The following PRDM15 variants were observed in gnomAD, a reference collection of about 807,000 sequenced individuals.
The protein encoded by PRDM15 is PR domain zinc finger protein 15.
Under a neutral mutation model 128.6 loss-of-function variants are expected in PRDM15, and 64 were observed. The ratio of observed to expected loss-of-function variants is 0.50; its 90% confidence interval spans 0.41 to 0.61. The LOEUF (loss-of-function observed/expected upper bound fraction) is 0.61. Ranked by LOEUF, PRDM15 falls within the 20% of genes least tolerant of loss-of-function variation. The probability of loss-of-function intolerance (pLI) is 0.00; values close to 1 mark genes in which losing one functional copy is unlikely to be tolerated. For missense variants in PRDM15, 1,242 were observed against 1,569.1 expected, an observed-to-expected ratio of 0.79 and a Z score of 3.52; for synonymous variants, 615 against 621.8, an observed-to-expected ratio of 0.99 and a Z score of 0.16.
chr21:41,815,241 T>C (rs994057229), intron 19 of PRDM15, among the ~76,000 whole-genome samples: 2 of 152,210 alleles, frequency 1.3e-5, no homozygotes, highest in African/African-American at 2.4e-5. Flanking sequence ...ATCAGCGTAG[T>C]ACACACATCA....
chr21:41,801,851 A>C, intron 23 of PRDM15, 129 bp from the exon 24 acceptor site: 1 of 1,098,102 alleles, frequency 9.1e-7, no homozygotes, highest in East Asian at 2.5e-5. Context: ...GAGGAAACCG[A>C]GTTAATTTTG....
intron 1 of PRDM15, chr21:41,870,880 C>G (rs1272123857): frequency 4.6e-5 from 7 of 152,208 alleles, no homozygotes; most frequent in Non-Finnish European, 1.0e-4. Context: ...CTGCTGTTTA[C>G]CAGATGAGAG....
chr21:41,849,039 T>A (rs2146732725), intron 5 of PRDM15, among the ~76,000 whole-genome samples: 1 of 152,310 alleles, frequency 6.6e-6, no homozygotes, highest in African/African-American at 2.4e-5. Flanking sequence ...AGCCAGACTG[T>A]GCACACAAAG....
At chr21:41,863,990 CGTGCCACCACACCCAGCTA>C (rs1413515862) in intron 1 of PRDM15, among the ~76,000 whole-genome samples, 1 of 152,090 alleles carries the variant, frequency 6.6e-6, no homozygotes, top group Non-Finnish European at 1.5e-5. Flanking sequence ...ATTACAGGCA[CGTGCCACCACACCCAGCTA>C]ATTTTTGTAT....
chr21:41,840,030 T>C (rs2063025549), intron 6 of PRDM15, among the ~76,000 whole-genome samples, 177 bp from the exon 7 acceptor site: 1 of 152,222 alleles, frequency 6.6e-6, no homozygotes, highest in African/African-American at 2.4e-5. Flanking sequence ...AACTGCTATT[T>C]TGAAAAGTAA....
chr21:41,817,781 G>A (rs981741379), intron 18 of PRDM15, among the ~76,000 whole-genome samples: 7 of 152,124 alleles, frequency 4.6e-5, no homozygotes, highest in African/African-American at 9.7e-5. Flanking sequence ...CAACTGTTGC[G>A]TGATAGCACG....
At chr21:41,826,542 C>A (rs547974409) in intron 12 of PRDM15, among the ~76,000 whole-genome samples, 2 of 152,238 alleles carry the variant, frequency 1.3e-5, no homozygotes, top group South Asian at 4.1e-4. Flanking sequence ...GTAAATACAA[C>A]CTTTATGGTT....
intron 11 of PRDM15, among the ~76,000 whole-genome samples, chr21:41,834,970 AG>A (rs2062822703): frequency 6.6e-6 from 1 of 152,220 alleles, no homozygotes; most frequent in South Asian, 2.1e-4. Context: ...GAATGCGTGC[AG>A]GGGCAACCCC....
At position 41,860,217 on chromosome 21, in the gene PRDM15, T is replaced by C. The variant is rs545327478; in HGVS notation, c.37+110A>G. 3.1e-5 allele frequency: 24 copies of C among 780,290 alleles called. 1 individual carries two copies. In the East Asian group the frequency reaches 4.6e-4, roughly 15 times the overall value. 48.3% of individuals were successfully genotyped at this position (780,290 alleles called of 1,614,324 possible). A position where few individuals can be genotyped will look rare whatever the true frequency, so the allele number is the denominator to read the frequency against. Reference sequence around the variant, plus strand: ...TTAAATATATAGCTTTTCTATATTATAAAAACCAAATGTAGACGTGGCTTT... The same window carrying C: ...TTAAATATATAGCTTTTCTATATTACAAAAACCAAATGTAGACGTGGCTTT... On this transcript the variant is annotated intron_variant, in intron 2 of 23. Coordinates refer to ENST00000398548, the MANE Select transcript of PRDM15 (RefSeq NM_001040424.3).
chr21:41,847,682 C>T (rs1179505669), intron 5 of PRDM15, among the ~76,000 whole-genome samples: 1 of 152,224 alleles, frequency 6.6e-6, no homozygotes, highest in Non-Finnish European at 1.5e-5. Context: ...CTGTGGATGA[C>T]TGACGTGCTC....
At position 41,837,952 on chromosome 21, in the gene PRDM15, T is replaced by C. The variant is rs943519926; in HGVS notation, c.983A>G (p.Asp328Gly). 6.2e-7 allele frequency: 1 copy of C among 1,614,040 alleles called. No individual in the cohort carries two copies. The highest frequency in any genetic ancestry group is 1.3e-5 in the African/African-American group (1 of 74,932). ...VLGKLATTTT[D>G]TSSVPKFTHH... ...GACTTACTTTGGAACCGAGCTGGTG[T>C]CAGTGGTGGTGGTGGCCAGCTTCCC... is the stretch of plus-strand genomic sequence containing the variant. Residue 328 changes from aspartate to glycine, a missense_variant, in exon 8 of 24, where the codon GAC (aspartate) becomes GGC (glycine). Transcript: ENST00000398548.
At position 41,801,620 on chromosome 21, in the gene PRDM15, A is replaced by T; in HGVS notation, c.3046T>A (p.Phe1016Ile). ...ACGGCCACCGGCTGGAGATTGGTAA[A>T]CTGAGTCGCGGCCGCAGTGGTGATG... Reference protein sequence around the residue: ...TPITTAAATQFTNLQPVAVGH... With the variant: ...TPITTAAATQITNLQPVAVGH... The change falls in exon 24 of 24, where the codon TTT becomes ATT. Residue 1016 changes from phenylalanine to isoleucine, a missense_variant. This residue lies in a region of PRDM15 where 602 missense variants were observed against 788.3 expected (regional missense o/e 0.76). Transcript: ENST00000398548. 1.2e-6 allele frequency: 2 copies of T among 1,613,956 alleles called. No individual in the cohort carries two copies. The highest frequency in any genetic ancestry group is 8.5e-7 in the Non-Finnish European group (1 of 1,179,994).
Position 41,871,391 on chromosome 21 carries a change from CCTCT to C in PRDM15, c.-10+7875_-10+7878del, listed in dbSNP as rs564245726. On this transcript the variant is annotated intron_variant, in intron 1 of 23. Transcript: ENST00000398548. ...CACCTCTGCCTCTGCCTGGGGTCAC[CCTCT>C]CTGTCACTGTCCCTCTTAAGCAGCA... The C allele has an allele frequency of 1.1e-4, 115 of 1,005,874 alleles. No individual in the cohort carries two copies. In the African/African-American group the frequency reaches 1.2e-3, roughly 10 times the overall value. 62.3% of individuals were successfully genotyped at this position (1,005,874 alleles called of 1,614,324 possible).
chr21:41,819,001 C>A (rs1392613304), intron 18 of PRDM15, among the ~76,000 whole-genome samples: 2 of 152,172 alleles, frequency 1.3e-5, no homozygotes, highest in African/African-American at 2.4e-5. Context: ...TACTGTCAGA[C>A]CCCGTGGTGG....
At position 41,800,035 on chromosome 21, in the gene PRDM15, T is replaced by C. The variant is rs890244457; in HGVS notation, c.*1205A>G. The stretch of plus-strand genomic sequence containing the variant: ...TTCAGTTTTAGGGGCAATTAATGCT[T>C]CTATTAGTGAACTAACCTCTCTGCT... On this transcript the variant is annotated 3_prime_UTR_variant, in exon 24 of 24. Coordinates refer to ENST00000398548, the MANE Select transcript of PRDM15 (RefSeq NM_001040424.3). The C allele has an allele frequency of 2.6e-5, 4 of 152,218 alleles. No homozygotes were observed. The highest frequency in any genetic ancestry group is 1.3e-4 in the Admixed American group (2 of 15,286). 9.4% of individuals were successfully genotyped at this position (152,218 alleles called of 1,614,324 possible). A position where few individuals can be genotyped will look rare whatever the true frequency, so the allele number is the denominator to read the frequency against.
At chr21:41,873,014 G>T (rs896248265) in intron 1 of PRDM15, among the ~76,000 whole-genome samples, 1 of 152,160 alleles carries the variant, frequency 6.6e-6, no homozygotes, top group East Asian at 1.9e-4. Context: ...CGCACCCTGC[G>T]ATTGCGTCTC....
intron 8 of PRDM15, among the ~76,000 whole-genome samples, chr21:41,837,350 C>A (rs1204654413): frequency 6.6e-6 from 1 of 152,216 alleles, no homozygotes; most frequent in Non-Finnish European, 1.5e-5. Context: ...AAATATGGGG[C>A]ATATGCATGA....
chr21:41,829,159 A>AC (rs2062589422), intron 11 of PRDM15, among the ~76,000 whole-genome samples: 1 of 149,304 alleles, frequency 6.7e-6, no homozygotes, highest in Non-Finnish European at 1.5e-5. Context: ...AAATACACAA[A>AC]TACACAATCA....
intron 10 of PRDM15, 49 bp downstream of exon 10, chr21:41,836,062 CTG>C (rs2062878327): frequency 1.3e-5 from 17 of 1,289,112 alleles, no homozygotes; most frequent in Non-Finnish European, 1.9e-5. Flanking sequence ...GGTCAGTTGT[CTG>C]TGTTGTCCAC....
Sources: allele counts gnomAD v4.1 joint callset (sites outside exome capture counted in the v4.1 genomes callset), GRCh38; gene constraint gnomAD v4.1.1; regional missense constraint gnomAD v4.1.1; transcripts MANE v1.5; gene names NCBI Gene and HGNC (gene_info 2026-07-23, HGNC 2026-07-21).